HMCN2: variants seen among roughly 807,000 people sequenced by gnomAD.
HMCN2 encodes the protein hemicentin 2.
A neutral mutation model predicts 377.5 loss-of-function variants in HMCN2; 325 were observed. The observed-to-expected ratio is 0.86, with a 90% CI of 0.79 to 0.94. The LOEUF (loss-of-function observed/expected upper bound fraction) is 0.94, where lower values mean the gene tolerates loss of function less well. Ranked by LOEUF, HMCN2 falls within the 40% of genes least tolerant of loss-of-function variation. HMCN2 has a pLI of 0.00. For synonymous variants in HMCN2, 2,007 were observed against 2,046.8 expected, an observed-to-expected ratio of 0.98 and a Z score of 0.53; for missense variants, 4,543 against 4,725.3, an observed-to-expected ratio of 0.96 and a Z score of 1.13.
In HMCN2 at chr9:130,354,825, C is replaced by T. The variant is rs1341835148; in HGVS notation, c.4927C>T (p.Pro1643Ser). 3.1e-6 allele frequency: 4 copies of T among 1,304,194 alleles called. No homozygotes were observed. The South Asian group carries it at 4.9e-5, about 16-fold the overall frequency. 80.8% of individuals were successfully genotyped at this position (1,304,194 alleles called of 1,614,324 possible). A position where few individuals can be genotyped will look rare whatever the true frequency, so the allele number is the denominator to read the frequency against. Residue 1643 changes from proline (P) to serine (S), a missense_variant, in exon 32 of 98, where the codon CCT becomes TCT. Physicochemically the swap from Pro to Ser is moderately conservative, Grantham distance 74. Around this residue, in one of 5 missense-constraint regions of HMCN2, gnomAD observed 1,032 missense variants for 1,285.1 expected, o/e 0.80. Coordinates refer to ENST00000683500, the MANE Select transcript of HMCN2 (RefSeq NM_001291815.2). ...CGTGGTGAAGGCTGTGGCTGGGAGG[C>T]CTGTGGCGCTGGAGTGCGTGGCCAG... ...PYVVKAVAGR[P>S]VALECVARGH...
intron 7 of HMCN2, 38 bp from the exon 8 acceptor site, chr9:130,298,987 C>T (rs1554933124): frequency 6.7e-6 from 3 of 446,406 alleles, no homozygotes; most frequent in Admixed American, 4.8e-5. Flanking sequence ...GAGGCAGACA[C>T]TGACGCCAGC....
intron 22 of HMCN2, among the ~76,000 whole-genome samples, chr9:130,333,074 G>C (rs1487933152): frequency 6.6e-6 from 1 of 152,172 alleles, no homozygotes; most frequent in Non-Finnish European, 1.5e-5. Context: ...GCGGTGAAGG[G>C]AGTGTGTGGC....
rs543536996 is a variant in HMCN2 at position 130,286,543 on chromosome 9, A to C, written c.612+233A>C. 6.6e-5 allele frequency among the ~76,000 whole-genome samples: 10 copies of C among 152,330 alleles called. No homozygotes were observed. In the East Asian group the frequency reaches 1.7e-3, roughly 26 times the overall value. On this transcript the variant is annotated intron_variant, in intron 4 of 97. Coordinates refer to ENST00000683500, the MANE Select transcript of HMCN2 (RefSeq NM_001291815.2). ...AAACCCTTCCACCTGTCCCAAAGGC[A>C]GGTGCTTCCGTGTTTCCAGGCAAAA...
chr9:130,388,814 G>T (rs569005540), intron 62 of HMCN2, among the ~76,000 whole-genome samples: 30 of 152,262 alleles, frequency 2.0e-4, no homozygotes, highest in African/African-American at 6.5e-4. Context: ...AGCAGACGTG[G>T]GCTCTCCATT....
chr9:130,334,422 T>C (rs1838595284), intron 22 of HMCN2, among the ~76,000 whole-genome samples: 1 of 152,122 alleles, frequency 6.6e-6, no homozygotes, highest in Non-Finnish European at 1.5e-5. Context: ...ATCTGTAAAA[T>C]GGATTCCCCC....
chr9:130,432,663 G>C, intron 97 of HMCN2, 108 bp downstream of exon 97: 1 of 1,257,196 alleles, frequency 8.0e-7, no homozygotes. Flanking sequence ...AAGTGATGCA[G>C]GCAGGAACGC....
At chr9:130,386,007 C>T (rs944792722) in intron 60 of HMCN2, among the ~76,000 whole-genome samples, 2 of 152,198 alleles carry the variant, frequency 1.3e-5, no homozygotes, top group African/African-American at 2.4e-5. Context: ...TCGGTTTCCT[C>T]AGCATCTAGA....
At chr9:130,417,694 G>C (rs915937184) in intron 85 of HMCN2, among the ~76,000 whole-genome samples, 1 of 152,128 alleles carries the variant, frequency 6.6e-6, no homozygotes, top group African/African-American at 2.4e-5. Flanking sequence ...TGAGGAATGG[G>C]CTCTCCCCCA....
intron 45 of HMCN2, among the ~76,000 whole-genome samples, chr9:130,370,341 C>T (rs55951648): frequency 6.6e-6 from 1 of 152,132 alleles, no homozygotes; most frequent in South Asian, 2.1e-4. Context: ...GTGGCTGGGG[C>T]AGCCTCATGC....
rs535552530 is a variant in HMCN2 at position 130,296,712 on chromosome 9, C to A, written c.930C>A (p.Gly310=). 2.1e-6 allele frequency: 1 copy of A among 471,134 alleles called. No homozygotes were observed. The highest frequency in any genetic ancestry group is 6.9e-5 in the East Asian group (1 of 14,398). 29.2% of individuals were successfully genotyped at this position (471,134 alleles called of 1,614,324 possible). A position where few individuals can be genotyped will look rare whatever the true frequency, so the allele number is the denominator to read the frequency against. The change falls in exon 7 of 98, where the codon GGC becomes GGA. Residue 310 remains glycine (G), a synonymous_variant. Coordinates refer to ENST00000683500, the MANE Select transcript of HMCN2 (RefSeq NM_001291815.2). ...SSGRHSVRIT[G]VSNIDFRAGF... is the part of the protein sequence containing the mutation. ...GCCGCCATTCAGTGAGGATCACAGGCGTCAGCAACATTGACTTCCGAGCCG... is the reference window on the plus strand; with the variant it reads ...GCCGCCATTCAGTGAGGATCACAGGAGTCAGCAACATTGACTTCCGAGCCG...
intron 3 of HMCN2, 67 bp downstream of exon 3, chr9:130,285,383 T>G: frequency 2.2e-6 from 1 of 454,670 alleles, no homozygotes; most frequent in South Asian, 1.6e-5. Flanking sequence ...CTGGGGTCTC[T>G]CTCACCACCT....
chr9:130,433,467 C>T lies in HMCN2; in HGVS notation c.15014C>T (p.Ala5005Val), dbSNP rs991534412. 3.0e-5 allele frequency: 45 copies of T among 1,500,286 alleles called. No individual in the cohort carries two copies. Among genetic ancestry groups the T allele is most frequent in the Non-Finnish European group, 3.4e-5 (39 of 1,132,700 alleles). The allele number at this position is 1,500,286 out of a possible 1,614,324, so 92.9% of individuals were successfully genotyped here. The change falls in exon 98 of 98, where the codon GCC becomes GTC. Residue 5005 changes from alanine to valine, a missense_variant. Ala to Val is a moderately conservative substitution (Grantham distance 64). Transcript: ENST00000683500. ...RAHHDVARLT[A>V]FSEVGVPANR... is the part of the protein sequence containing the mutation. ...CACCACGACGTGGCCCGCCTCACCG[C>T]CTTCTCCGAGGTCGGCGTCCCCGCC...
chr9:130,394,979 C>A lies in HMCN2; in HGVS notation c.10693-48C>A. ...ATGAGAAAGAAACCAGATTGGGAGGCGGGCAGAGAGGGGCCAGGGGCAGCT... is the reference window on the plus strand; with the variant it reads ...ATGAGAAAGAAACCAGATTGGGAGGAGGGCAGAGAGGGGCCAGGGGCAGCT... On this transcript the variant is annotated intron_variant, in intron 69 of 97. Coordinates refer to ENST00000683500, the MANE Select transcript of HMCN2 (RefSeq NM_001291815.2). This position sits in a 1 kb window ranked among gnomAD's most constrained non-coding sequence, Gnocchi z 5.1. 8.6e-7 allele frequency: 1 copy of A among 1,166,704 alleles called. No homozygotes were observed. The allele number at this position is 1,166,704 out of a possible 1,614,324, so 72.3% of individuals were successfully genotyped here. A position where few individuals can be genotyped will look rare whatever the true frequency, so the allele number is the denominator to read the frequency against.
At chr9:130,293,946 A>G (rs1337303761) in intron 4 of HMCN2, among the ~76,000 whole-genome samples, 1 of 149,662 alleles carries the variant, frequency 6.7e-6, no homozygotes, top group Admixed American at 6.6e-5. Context: ...GAGGCAGGGC[A>G]TTCCTGCAAA....
Position 130,377,787 on chromosome 9 carries a change from G to T in HMCN2, c.8200G>T (p.Val2734Leu). The T allele has an allele frequency of 1.0e-6, 1 of 985,988 alleles. No individual in the cohort carries two copies. The highest frequency in any genetic ancestry group is 1.2e-6 in the Non-Finnish European group (1 of 830,004). 61.1% of individuals were successfully genotyped at this position (985,988 alleles called of 1,614,324 possible). Residue 2734 changes from valine to leucine, a missense_variant, in exon 53 of 98, where the codon GTG becomes TTG. Val to Leu is a conservative substitution (Grantham distance 32, BLOSUM62 1). Coordinates refer to ENST00000683500, the MANE Select transcript of HMCN2 (RefSeq NM_001291815.2). ...TGGCGAGGACGACCAGGACTTCAAC[G>T]TGCTCATCCAGGGTGCGTGGCGCCA... ...VAGEDDQDFN[V>L]LIQVPPMFQK...
At chr9:130,385,195 A>G (rs886135990) in intron 59 of HMCN2, among the ~76,000 whole-genome samples, 1 of 151,872 alleles carries the variant, frequency 6.6e-6, no homozygotes, top group African/African-American at 2.4e-5. Flanking sequence ...GCTCACAGCC[A>G]TGGGGAAGGA....
At chr9:130,317,969 G>C (rs1341260116) in intron 15 of HMCN2, among the ~76,000 whole-genome samples, 1 of 152,082 alleles carries the variant, frequency 6.6e-6, no homozygotes, top group Non-Finnish European at 1.5e-5. Flanking sequence ...AAGGTAGGCT[G>C]TTGTGGTGTT....
In HMCN2 at chr9:130,422,531, C is replaced by T. The variant is rs746613048; in HGVS notation, c.13232-46C>T. On this transcript the variant is annotated intron_variant, in intron 86 of 97. Coordinates refer to ENST00000683500, the MANE Select transcript of HMCN2 (RefSeq NM_001291815.2). This position sits in a 1 kb window ranked among gnomAD's most constrained non-coding sequence, Gnocchi z 4.2. ...GACAGCCTGCTTGTGCTGTGGGCCC[C>T]GGGGTGGATAGTCAGTGGCACTGTC... The T allele has an allele frequency of 2.3e-4, 297 of 1,282,572 alleles. No individual in the cohort carries two copies. The highest frequency in any genetic ancestry group is 2.8e-4 in the Non-Finnish European group (280 of 1,006,390). The allele number at this position is 1,282,572 out of a possible 1,614,324, so 79.4% of individuals were successfully genotyped here.
At chr9:130,316,940 A>G (rs1588231963) in intron 15 of HMCN2, among the ~76,000 whole-genome samples, 4 of 152,094 alleles carry the variant, frequency 2.6e-5, no homozygotes, top group South Asian at 2.1e-4. Context: ...GCTCTGGCCT[A>G]TGAGGGTCCT....
Sources: allele counts gnomAD v4.1 joint callset (sites outside exome capture counted in the v4.1 genomes callset), GRCh38; gene constraint gnomAD v4.1.1; regional missense constraint gnomAD v4.1.1; non-coding constraint Gnocchi (gnomAD v3.1); transcripts MANE v1.5; gene names NCBI Gene and HGNC (gene_info 2026-07-23, HGNC 2026-07-21).